PIK3CB: variants seen among roughly 807,000 people sequenced by gnomAD.
PIK3CB encodes phosphatidylinositol-4,5-bisphosphate 3-kinase catalytic subunit beta, also known as phosphatidylinositol 4,5-bisphosphate 3-kinase catalytic subunit beta isoform.
PIK3CB carries 39 observed loss-of-function variants against 136.8 expected under a neutral mutation model. That is an observed-to-expected ratio of 0.29 (90% CI 0.22 to 0.37). PIK3CB has a LOEUF of 0.37. PIK3CB is among the 10% of genes least tolerant of loss of function. The pLI is 1.00. For synonymous variants in PIK3CB, 428 were observed against 436.6 expected (o/e 0.98, Z 0.25); for missense variants, 868 against 1,275.4 (o/e 0.68, Z 4.87).
chr3:138,701,115 G>A (rs1411955307), intron 12 of PIK3CB, among the ~76,000 whole-genome samples: 1 of 151,588 alleles, frequency 6.6e-6, no homozygotes, highest in Non-Finnish European at 1.5e-5. Context: ...TGCATAACTG[G>A]GATCCTAAAC....
chr3:138,681,844 A>G (rs545303672), intron 19 of PIK3CB, 123 bp downstream of exon 19: 112 of 601,712 alleles, frequency 1.9e-4, no homozygotes, highest in Admixed American at 1.3e-3. Flanking sequence ...AAAGTGCTAT[A>G]TAAATATTAT....
intron 2 of PIK3CB, among the ~76,000 whole-genome samples, chr3:138,766,544 A>G (rs919777212): frequency 1.3e-5 from 2 of 152,188 alleles, no homozygotes; most frequent in Non-Finnish European, 2.9e-5. Context: ...CCCATGCTTA[A>G]AAATAGAAAA....
chr3:138,818,659 C>A (rs1188603770), intron 1 of PIK3CB, among the ~76,000 whole-genome samples: 1 of 152,166 alleles, frequency 6.6e-6, no homozygotes, highest in Non-Finnish European at 1.5e-5. Context: ...TCTCTCCTCT[C>A]AGGCTAGAAT....
chr3:138,760,207 C>G (rs886224924), intron 2 of PIK3CB, among the ~76,000 whole-genome samples: 6 of 152,130 alleles, frequency 3.9e-5, no homozygotes, highest in Admixed American at 1.3e-4. Flanking sequence ...ACAGGCGTGA[C>G]CCACCGTGCC....
chr3:138,700,593 A>AGAGATGAATGGGGGAGAAGAG (rs1491211439), intron 12 of PIK3CB, among the ~76,000 whole-genome samples: 1 of 151,704 alleles, frequency 6.6e-6, no homozygotes, highest in East Asian at 2.0e-4. Flanking sequence ...GAAAGAAAAA[A>AGAGATGAATGGGGGAGAAGAG]GAGATGAATG....
intron 19 of PIK3CB, among the ~76,000 whole-genome samples, chr3:138,680,320 T>C (rs970381622): frequency 6.6e-6 from 1 of 150,726 alleles, no homozygotes; most frequent in Non-Finnish European, 1.5e-5. Context: ...ATCGCACCAC[T>C]GCACTCCAGC....
At chr3:138,759,735 G>A (rs2045635848) in intron 2 of PIK3CB, among the ~76,000 whole-genome samples, 1 of 151,976 alleles carries the variant, frequency 6.6e-6, no homozygotes, top group South Asian at 2.1e-4. Context: ...GCATGCTTAA[G>A]GATTACAGGG....
chr3:138,703,264 G>C (rs2044291197), intron 12 of PIK3CB, among the ~76,000 whole-genome samples: 1 of 152,168 alleles, frequency 6.6e-6, no homozygotes, highest in Non-Finnish European at 1.5e-5. Flanking sequence ...ACTAGGGAAA[G>C]ATTCTGAGAG....
intron 4 of PIK3CB, 76 bp from the exon 5 acceptor site, chr3:138,742,857 T>C: frequency 1.2e-6 from 1 of 807,560 alleles, no homozygotes; most frequent in Non-Finnish European, 1.9e-6. Context: ...ACAAAGTATA[T>C]TCAACAAAAA....
At chr3:138,763,586 A>C (rs116223864) in intron 2 of PIK3CB, among the ~76,000 whole-genome samples, 1,735 of 152,254 alleles carry the variant, frequency 0.011, 15 homozygotes, top group Non-Finnish European at 0.018. Context: ...TCACCCAATT[A>C]ATACAATACT....
chr3:138,755,662 CTT>C, intron 4 of PIK3CB, 90 bp downstream of exon 4: 1 of 626,456 alleles, frequency 1.6e-6, no homozygotes, highest in Non-Finnish European at 2.7e-6. Context: ...ATGGACCACA[CTT>C]TGAAAAGCAA....
At chr3:138,747,508 T>A (rs544250257) in intron 4 of PIK3CB, among the ~76,000 whole-genome samples, 1 of 152,288 alleles carries the variant, frequency 6.6e-6, no homozygotes, top group East Asian at 1.9e-4. Context: ...TACAGTAGTA[T>A]AATACAGTTA....
chr3:138,709,139 T>C (rs924724789), intron 10 of PIK3CB, among the ~76,000 whole-genome samples: 1 of 152,144 alleles, frequency 6.6e-6, no homozygotes, highest in African/African-American at 2.4e-5. Context: ...ATACACGCTA[T>C]TGAGGAACAA....
intron 2 of PIK3CB, among the ~76,000 whole-genome samples, chr3:138,786,323 G>A (rs1267885545): frequency 6.6e-6 from 1 of 151,992 alleles, no homozygotes; most frequent in Admixed American, 6.6e-5. Context: ...TGAATAAAAA[G>A]TTTAGGTCCT....
chr3:138,701,948 T>G (rs887491058), intron 12 of PIK3CB, among the ~76,000 whole-genome samples: 2 of 150,470 alleles, frequency 1.3e-5, no homozygotes. Context: ...ATATATATAG[T>G]TTTATATATG....
At chr3:138,760,258 C>G (rs1419181684) in intron 2 of PIK3CB, among the ~76,000 whole-genome samples, 3 of 152,134 alleles carry the variant, frequency 2.0e-5, no homozygotes. Flanking sequence ...CACGGCCCAT[C>G]CCCTAAGCAT....
chr3:138,665,693 T>G (rs2043394295), intron 19 of PIK3CB, among the ~76,000 whole-genome samples: 1 of 152,122 alleles, frequency 6.6e-6, no homozygotes, highest in Non-Finnish European at 1.5e-5. Context: ...CTCAGCCTCC[T>G]GAGTAGCTGG....
intron 19 of PIK3CB, 109 bp from the exon 20 acceptor site, chr3:138,665,312 C>G (rs1475377729): frequency 1.4e-6 from 1 of 696,820 alleles, no homozygotes; most frequent in Admixed American, 3.6e-5. Context: ...TATTGATATA[C>G]TTGCCATTAC....
intron 6 of PIK3CB, among the ~76,000 whole-genome samples, chr3:138,737,424 C>CAAAAAAAAAAAAAAAAAAAAAAAAAAAAA (rs2045134496): frequency 1.1e-5 from 1 of 88,872 alleles, no homozygotes; most frequent in Non-Finnish European, 2.3e-5. Flanking sequence ...AAAAAAAAAG[C>CAAAAAAAAAAAAAAAAAAAAAAAAAAAAA]AAAGCAGAAT....
Sources: gnomAD v4.1 joint callset for allele counts (sites outside exome capture counted in the v4.1 genomes callset) on GRCh38, gnomAD v4.1.1 for gene constraint, MANE v1.5 for transcripts, NCBI Gene and HGNC (gene_info 2026-07-23, HGNC 2026-07-21) for gene names.